Variants in SYT14 observed in about 807,000 individuals in gnomAD.
The protein encoded by SYT14 is synaptotagmin-14.
A neutral mutation model predicts 74.2 loss-of-function variants in SYT14; 32 were observed. The observed-to-expected ratio is 0.43, with a 90% CI of 0.33 to 0.58. The LOEUF is 0.58. Ranked by LOEUF, SYT14 falls within the 20% of genes least tolerant of loss-of-function variation. The probability of loss-of-function intolerance (pLI) is 0.05; values close to 1 mark genes in which losing one functional copy is unlikely to be tolerated. For synonymous variants in SYT14, 298 were observed against 337.7 expected (o/e 0.88, Z 1.29); for missense variants, 791 against 981.8 (o/e 0.81, Z 2.60).
intron 2 of SYT14, among the ~76,000 whole-genome samples, chr1:209,974,963 T>C (rs2079330183): frequency 1.3e-5 from 2 of 152,200 alleles, no homozygotes; most frequent in Non-Finnish European, 2.9e-5. Context: ...TATTTTACTC[T>C]TTTTGAAGCA....
exon 5 of SYT14, chr1:210,021,165 A>C (rs751699682): frequency 6.2e-7 from 1 of 1,614,052 alleles, no homozygotes; most frequent in Non-Finnish European, 8.5e-7. Flanking sequence ...GATTCTAGAC[A>C]AAGGAACTAT....
At chr1:210,090,119 A>G (rs780891526) in intron 5 of SYT14, among the ~76,000 whole-genome samples, 7 of 152,182 alleles carry the variant, frequency 4.6e-5, no homozygotes, top group Non-Finnish European at 8.8e-5. Flanking sequence ...GGTACTTCCC[A>G]TTTTTCATCT....
intron 1 of SYT14, 40 bp downstream of exon 1, chr1:209,938,317 A>C: frequency 6.5e-7 from 1 of 1,537,938 alleles, no homozygotes. Context: ...GACCGGGACC[A>C]CCCAGCTGGC....
intron 5 of SYT14, among the ~76,000 whole-genome samples, chr1:210,043,415 T>C (rs2080829791): frequency 7.1e-6 from 1 of 140,090 alleles, no homozygotes; most frequent in Admixed American, 7.4e-5. Context: ...CTAAAAAGTT[T>C]TGGAATCTTT....
At chr1:210,049,688 G>A (rs1204462028) in intron 5 of SYT14, among the ~76,000 whole-genome samples, 1 of 152,058 alleles carries the variant, frequency 6.6e-6, no homozygotes, top group African/African-American at 2.4e-5. Flanking sequence ...GTGGTGTTTG[G>A]TTTTCTGTTC....
chr1:210,016,381 A>G, exon 4 of SYT14: 3 of 1,232,110 alleles, frequency 2.4e-6, no homozygotes, highest in Non-Finnish European at 3.0e-6. Context: ...ATGATAGGCA[A>G]CAAACTCTAT....
At chr1:210,128,406 T>C (rs1193819675) in intron 7 of SYT14, among the ~76,000 whole-genome samples, 1 of 152,082 alleles carries the variant, frequency 6.6e-6, no homozygotes, top group African/African-American at 2.4e-5. Flanking sequence ...TGTATATATG[T>C]AGCTCTTCAC....
At chr1:209,998,197 A>T (rs905160086) in intron 2 of SYT14, among the ~76,000 whole-genome samples, 1 of 152,148 alleles carries the variant, frequency 6.6e-6, no homozygotes, top group African/African-American at 2.4e-5. Context: ...AGGCAATCAC[A>T]TTAACCACAG....
At chr1:210,094,077 G>A (rs1410881563) in intron 5 of SYT14, among the ~76,000 whole-genome samples, 2 of 152,144 alleles carry the variant, frequency 1.3e-5, no homozygotes, top group East Asian at 3.9e-4. Flanking sequence ...ATACATAACA[G>A]GATCTTTCTT....
chr1:209,940,706 A>T (rs530687379), intron 1 of SYT14, among the ~76,000 whole-genome samples: 1 of 151,758 alleles, frequency 6.6e-6, no homozygotes, highest in Non-Finnish European at 1.5e-5. Context: ...AAAGCCCACT[A>T]TTCTCTCTAT....
At chr1:209,938,225 C>T (rs765884363) in exon 1 of SYT14, 6 of 1,521,158 alleles carry the variant, frequency 3.9e-6, no homozygotes, top group Admixed American at 3.9e-5. Flanking sequence ...GCGTCTGCTG[C>T]CCCCGCCATC....
At chr1:210,109,590 AG>A (rs1312230203) in intron 7 of SYT14, among the ~76,000 whole-genome samples, 20 of 143,830 alleles carry the variant, frequency 1.4e-4, no homozygotes, top group South Asian at 4.5e-4. Context: ...AAAAAAAAAA[AG>A]AGAGAAAAAA....
chr1:209,962,218 CTTAT>C lies in SYT14; in HGVS notation c.-486+9467_-486+9470del, dbSNP rs575652002. 7.4e-3 allele frequency among the ~76,000 whole-genome samples: 1,128 copies of C among 151,658 alleles called. 7 individuals are homozygous for C. Among genetic ancestry groups the C allele is most frequent in the African/African-American group, 0.026 (1,060 of 41,374 alleles). On this transcript the variant is annotated intron_variant, in intron 2 of 9. Transcript: ENST00000637265. ...AAAAATATTGTCATAATATGATTCT[CTTAT>C]TTATGCCATTTTCGTTTTTTCTGGT... is the stretch of plus-strand genomic sequence containing the variant.
At chr1:209,956,610 A>G (rs925643138) in intron 2 of SYT14, among the ~76,000 whole-genome samples, 22 of 152,170 alleles carry the variant, frequency 1.4e-4, no homozygotes, top group African/African-American at 5.1e-4. Context: ...AAAACAGGCT[A>G]GGAAGTGTTA....
rs572186745 is a variant in SYT14, at chr1:210,129,078, G to T, written c.2035-26643G>T. Among the ~76,000 whole-genome samples, 3 of 152,214 alleles carry T rather than the reference G, an allele frequency of 2.0e-5. No homozygotes were observed. In the South Asian group the frequency reaches 6.2e-4, roughly 32 times the overall value. ...AATGAAATTATAGTAAAAATATTAAGAAAAGTTTCCTTTTTAGAAATCCCC... is the reference window on the plus strand; with the variant it reads ...AATGAAATTATAGTAAAAATATTAATAAAAGTTTCCTTTTTAGAAATCCCC... On this transcript the variant is annotated intron_variant, in intron 7 of 9. Coordinates refer to ENST00000637265, the Ensembl canonical transcript of SYT14.
chr1:209,988,749 T>C (rs1473969988), intron 2 of SYT14, among the ~76,000 whole-genome samples: 1 of 152,212 alleles, frequency 6.6e-6, no homozygotes, highest in African/African-American at 2.4e-5. Flanking sequence ...CCCCATTTCA[T>C]GCTCTGTGTA....
At chr1:210,036,939 G>A (rs2080677824) in intron 5 of SYT14, among the ~76,000 whole-genome samples, 1 of 151,876 alleles carries the variant, frequency 6.6e-6, no homozygotes, top group Non-Finnish European at 1.5e-5. Context: ...GGTGATACTG[G>A]CTTTGTAGAA....
chr1:210,000,573 A>G (rs1202574340), intron 2 of SYT14, among the ~76,000 whole-genome samples: 1 of 125,552 alleles, frequency 8.0e-6, no homozygotes, highest in Non-Finnish European at 1.7e-5. Flanking sequence ...TCTTTTTATT[A>G]TGTTCTCCTC....
At chr1:210,150,258 G>T (rs953341889) in intron 7 of SYT14, among the ~76,000 whole-genome samples, 5 of 152,196 alleles carry the variant, frequency 3.3e-5, no homozygotes, top group Non-Finnish European at 7.3e-5. Context: ...AACATGGGTT[G>T]AGGCCTGGAT....
Sources: gnomAD v4.1 joint callset for allele counts (sites outside exome capture counted in the v4.1 genomes callset) on GRCh38, gnomAD v4.1.1 for gene constraint, MANE v1.5 for transcripts, NCBI Gene and HGNC (gene_info 2026-07-23, HGNC 2026-07-21) for gene names.